PCDHGA8: variants seen among roughly 807,000 people sequenced by gnomAD.
PCDHGA8 encodes protocadherin gamma-A8.
In PCDHGA8, 45 loss-of-function variants were observed where a neutral mutation model predicts 59.2. That is an observed-to-expected ratio of 0.76 (90% CI 0.60 to 0.98). The LOEUF (loss-of-function observed/expected upper bound fraction) is 0.98, where lower values mean the gene tolerates loss of function less well. Among genes scored for constraint, PCDHGA8 ranks in the 50% least tolerant of loss-of-function variants. PCDHGA8 has a pLI of 0.00. For synonymous variants in PCDHGA8, 531 were observed against 519.0 expected, an observed-to-expected ratio of 1.02 and a Z score of -0.32; for missense variants, 1,257 against 1,196.2, an observed-to-expected ratio of 1.05 and a Z score of -0.75.
Position 141,486,397 on chromosome 5 carries a change from G to A in PCDHGA8, c.2425-8410G>A, listed in dbSNP as rs778989869. The A allele has an allele frequency of 5.0e-6, 8 of 1,614,046 alleles. No individual in the cohort carries two copies. The South Asian group carries it at 7.7e-5, about 16-fold the overall frequency. ...CCTTCAGGAACCAGTTCTCCCTGGT[G>A]ACTGCTGGACCCTTGGATCGAGAGG... On this transcript the variant is annotated intron_variant, in intron 1 of 3. Transcript: ENST00000398604. The surrounding 1 kb of genome is among the most constrained non-coding windows in gnomAD (Gnocchi z 5.0).
In PCDHGA8 at chr5:141,489,664, A is replaced by C. The variant is rs745597010; in HGVS notation, c.2425-5143A>C. 1.9e-6 allele frequency: 3 copies of C among 1,614,224 alleles called. No individual in the cohort carries two copies. Among genetic ancestry groups the C allele is most frequent in the African/African-American group, 1.3e-5 (1 of 75,058 alleles). On this transcript the variant is annotated intron_variant, in intron 1 of 3. Transcript: ENST00000398604. This position sits in a 1 kb window ranked among gnomAD's most constrained non-coding sequence, Gnocchi z 4.5. ...TGCCACCCCTGAGCGAGAGATGCGC[A>C]TCTCAGAATCAGCAGCATCTGGGGC... is the stretch of plus-strand genomic sequence containing the variant.
At chr5:141,414,473 G>T (rs371832510) in intron 1 of PCDHGA8, 1 of 1,613,908 alleles carries the variant, frequency 6.2e-7, no homozygotes, top group Non-Finnish European at 8.5e-7. Flanking sequence ...GATGGGGGAA[G>T]TCCTCCTCTA....
rs371348730 is a variant in PCDHGA8 at position 141,394,510 on chromosome 5, C to T, written c.1697C>T (p.Ala566Val). ...AACGCGCCCGAGATCCTGTACCCCG[C>T]CCTCCCCACAGACGGTTCCACTGGC... ...NDNAPEILYP[A>V]LPTDGSTGVE... Residue 566 changes from alanine (A) to valine (V), a missense_variant, in exon 1 of 4, where the codon GCC (alanine) becomes GTC (valine). By Grantham distance (64) the Ala-to-Val change is moderately conservative. Coordinates refer to ENST00000398604, the MANE Select transcript of PCDHGA8 (RefSeq NM_032088.2). The T allele has an allele frequency of 2.5e-6, 4 of 1,614,098 alleles. No homozygotes were observed. Among genetic ancestry groups the T allele is most frequent in the Non-Finnish European group, 3.4e-6 (4 of 1,180,034 alleles).
chr5:141,454,575 T>G (rs1430018751), intron 1 of PCDHGA8, among the ~76,000 whole-genome samples: 1 of 151,400 alleles, frequency 6.6e-6, no homozygotes, highest in African/African-American at 2.4e-5. Context: ...CCCGGCTAAT[T>G]TTGTATTTTT....
At position 141,491,766 on chromosome 5, in the gene PCDHGA8, T is replaced by G. The variant is rs772444495; in HGVS notation, c.2425-3041T>G. On this transcript the variant is annotated intron_variant, in intron 1 of 3. Coordinates refer to ENST00000398604, the MANE Select transcript of PCDHGA8 (RefSeq NM_032088.2). This position sits in a 1 kb window ranked among gnomAD's most constrained non-coding sequence, Gnocchi z 6.9. ...GCACTGGAGAAGCCGCCCGTCCTCA[T>G]AAGGGATTGAACTTGCATCCACTCC... The G allele has an allele frequency of 1.9e-6, 3 of 1,567,856 alleles. No homozygotes were observed. Among genetic ancestry groups the G allele is most frequent in the Non-Finnish European group, 8.6e-7 (1 of 1,158,088 alleles).
chr5:141,404,651 C>T, intron 1 of PCDHGA8: 2 of 1,614,184 alleles, frequency 1.2e-6, no homozygotes, highest in Non-Finnish European at 1.7e-6. Flanking sequence ...GTACCCTGCC[C>T]TCCCCACTGA....
chr5:141,491,578 C>G lies in PCDHGA8; in HGVS notation c.2425-3229C>G, dbSNP rs1438933474. ...CCACTGCTACAGGACGTGCTTTTCA[C>G]CGGCCTCGGACGGCAGTGACTTCAC... On this transcript the variant is annotated intron_variant, in intron 1 of 3. Transcript: ENST00000398604. This position sits in a 1 kb window ranked among gnomAD's most constrained non-coding sequence, Gnocchi z 6.9. The G allele has an allele frequency of 1.9e-6, 3 of 1,614,006 alleles. No individual in the cohort carries two copies. Among genetic ancestry groups the G allele is most frequent in the Non-Finnish European group, 2.5e-6 (3 of 1,180,036 alleles).
In PCDHGA8 at chr5:141,505,380, A is replaced by C; in HGVS notation, c.2484-13A>C. On this transcript the variant is annotated splice_polypyrimidine_tract_variant and intron_variant, in intron 2 of 3. Coordinates refer to ENST00000398604, the MANE Select transcript of PCDHGA8 (RefSeq NM_032088.2). ...CCTGGGAGTCTGTGCTCACCATCCT[A>C]CTCTCTCCCCAGCTCCCAAAATGGC... 1 of 1,613,480 alleles carries C rather than the reference A, an allele frequency of 6.2e-7. No homozygotes were observed. Among genetic ancestry groups the C allele is most frequent in the Non-Finnish European group, 8.5e-7 (1 of 1,179,856 alleles).
At position 141,485,671 on chromosome 5, in the gene PCDHGA8, G is replaced by T; in HGVS notation, c.2425-9136G>T. On this transcript the variant is annotated intron_variant, in intron 1 of 3. Coordinates refer to ENST00000398604, the MANE Select transcript of PCDHGA8 (RefSeq NM_032088.2). This position sits in a 1 kb window ranked among gnomAD's most constrained non-coding sequence, Gnocchi z 5.7. The stretch of plus-strand genomic sequence containing the variant: ...AGGATGCAGATGTGGGGAGCAATTC[G>T]ATTAGCAGCTATAGGCTGAGCTCCA... 6.2e-7 allele frequency: 1 copy of T among 1,612,860 alleles called. No homozygotes were observed. The highest frequency in any genetic ancestry group is 8.5e-7 in the Non-Finnish European group (1 of 1,179,040).
chr5:141,465,800 C>T (rs1486100601), intron 1 of PCDHGA8, among the ~76,000 whole-genome samples: 1 of 151,524 alleles, frequency 6.6e-6, no homozygotes, highest in African/African-American at 2.4e-5. Flanking sequence ...TTTAAGAAAC[C>T]CTTCAGGATC....
chr5:141,443,166 C>T (rs914863821), intron 1 of PCDHGA8, among the ~76,000 whole-genome samples: 2 of 152,124 alleles, frequency 1.3e-5, no homozygotes, highest in African/African-American at 4.8e-5. Context: ...ATTTCCCTAC[C>T]CATGTCCACT....
At position 141,448,695 on chromosome 5, in the gene PCDHGA8, C is replaced by T. The variant is rs535473305; in HGVS notation, c.2425-46112C>T. 2.7e-4 allele frequency among the ~76,000 whole-genome samples: 41 copies of T among 152,246 alleles called. No homozygotes were observed. In the South Asian group the frequency reaches 8.5e-3, roughly 32 times the overall value. On this transcript the variant is annotated intron_variant, in intron 1 of 3. Coordinates refer to ENST00000398604, the MANE Select transcript of PCDHGA8 (RefSeq NM_032088.2). Reference sequence around the variant, plus strand: ...GTGGCTCACGCCTGTAATCGCAGCACTTTGGGAGGCCGAGGCGGGAGGATC... The same window carrying T: ...GTGGCTCACGCCTGTAATCGCAGCATTTTGGGAGGCCGAGGCGGGAGGATC...
rs1213653891 is a variant in PCDHGA8 at position 141,419,687 on chromosome 5, C to T, written c.2424+24450C>T. 1.9e-6 allele frequency: 3 copies of T among 1,612,692 alleles called. No individual in the cohort carries two copies. In the African/African-American group the frequency reaches 4.0e-5, roughly 22 times the overall value. On this transcript the variant is annotated intron_variant, in intron 1 of 3. Transcript: ENST00000398604. ...TGCCTGGCTGTCCTACCACGTGGTG[C>T]AGGCCAGTGAGCCCGGGCTCTTCAG...
chr5:141,450,085 C>T (rs997781052), intron 1 of PCDHGA8, among the ~76,000 whole-genome samples: 3 of 149,208 alleles, frequency 2.0e-5, no homozygotes, highest in Non-Finnish European at 4.4e-5. Context: ...TGGCTCACTG[C>T]AACCTCCGCC....
intron 1 of PCDHGA8, among the ~76,000 whole-genome samples, chr5:141,467,017 C>T (rs1036255706): frequency 4.0e-5 from 6 of 151,156 alleles, no homozygotes; most frequent in African/African-American, 1.5e-4. Context: ...AATTTTTTTC[C>T]CTTTGTTTTT....
At chr5:141,419,555 G>A (rs1411289369) in intron 1 of PCDHGA8, 3 of 1,611,876 alleles carry the variant, frequency 1.9e-6, no homozygotes, top group South Asian at 1.1e-5. Context: ...GCTGTACCCT[G>A]CGCTGGGTCC....
intron 1 of PCDHGA8, among the ~76,000 whole-genome samples, chr5:141,406,302 C>T (rs897412289): frequency 1.3e-4 from 20 of 152,020 alleles, no homozygotes; most frequent in African/African-American, 4.8e-4. Context: ...GAGGTGTGAA[C>T]CACCTCACCC....
Position 141,392,722 on chromosome 5 carries a change from A to G in PCDHGA8, c.-92A>G. On this transcript the variant is annotated 5_prime_UTR_variant, in exon 1 of 4. Coordinates refer to ENST00000398604, the MANE Select transcript of PCDHGA8 (RefSeq NM_032088.2). ...GTTTGGAGGCACTCCAGGTTTCCGG[A>G]GGATTGTCATCTCCATAGCTGCGGC... 7.2e-7 allele frequency: 1 copy of G among 1,389,524 alleles called. No homozygotes were observed. Among genetic ancestry groups the G allele is most frequent in the African/African-American group, 1.5e-5 (1 of 68,538 alleles). 86.1% of individuals were successfully genotyped at this position (1,389,524 alleles called of 1,614,324 possible). A position where few individuals can be genotyped will look rare whatever the true frequency, so the allele number is the denominator to read the frequency against.
chr5:141,404,929 G>A (rs766845913), intron 1 of PCDHGA8: 46 of 1,613,744 alleles, frequency 2.9e-5, no homozygotes, highest in Admixed American at 2.3e-4. Flanking sequence ...CCACTGTCAC[G>A]CTCACAGTAG....
Sources: gnomAD v4.1 joint callset for allele counts (sites outside exome capture counted in the v4.1 genomes callset) on GRCh38, gnomAD v4.1.1 for gene constraint, Gnocchi (gnomAD v3.1) non-coding constraint, MANE v1.5 for transcripts, NCBI Gene and HGNC (gene_info 2026-07-23, HGNC 2026-07-21) for gene names.